The following PRKACG variants were observed in gnomAD, a reference collection of about 807,000 sequenced individuals.
PRKACG encodes protein kinase cAMP-activated catalytic subunit gamma.
A neutral mutation model predicts 25.6 loss-of-function variants in PRKACG; 24 were observed. The observed-to-expected ratio is 0.94, with a 90% confidence interval of 0.68 to 1.32. PRKACG has a LOEUF of 1.32. PRKACG is among the 40% of genes most tolerant of loss of function. The pLI, the probability that PRKACG is intolerant of heterozygous loss-of-function variation, is 0.00. For missense variants in PRKACG, 481 were observed against 462.9 expected (o/e 1.04, Z -0.36); for synonymous variants, 202 against 195.9 (o/e 1.03, Z -0.26).
Position 69,012,839 on chromosome 9 carries a change from G to GCA in PRKACG, c.*197_*198insTG. On this transcript the variant is annotated 3_prime_UTR_variant, in exon 1 of 1. Coordinates refer to ENST00000377276, the MANE Select transcript of PRKACG (RefSeq NM_002732.4). Reference sequence around the variant, plus strand: ...CACAGAGGGACCAGGAAGGCATGGGGGGGGGTGAGGGAGCAGCTGGTGTTT... The same window carrying GCA: ...CACAGAGGGACCAGGAAGGCATGGGGCAGGGGGTGAGGGAGCAGCTGGTGTTT... 1 of 528,690 alleles carries GCA rather than the reference G, an allele frequency of 1.9e-6. No homozygotes were observed. The highest frequency in any genetic ancestry group is 2.2e-5 in the South Asian group (1 of 44,584). 32.7% of individuals were successfully genotyped at this position (528,690 alleles called of 1,614,324 possible).
rs763725940 is a variant in PRKACG, at chr9:69,013,809, AT to A, written c.283del (p.Ile95SerfsTer26). On this transcript the variant is annotated frameshift_variant, in exon 1 of 1. Coordinates refer to ENST00000377276, the MANE Select transcript of PRKACG (RefSeq NM_002732.4). LOFTEE classifies it high-confidence loss of function. The stretch of plus-strand genomic sequence containing the variant: ...GAACGGAAAGTCGATCGCCTGCAGG[AT>A]GCGCTTCTCGTTCAGTATGTGCTCG... ...QVEHILNEKRILQAIDFPFLV... is the reference protein window; with the variant it reads ...QVEHILNEKRXLQAIDFPFLV... The A allele has an allele frequency of 6.2e-7, 1 of 1,613,802 alleles. No individual in the cohort carries two copies. The highest frequency in any genetic ancestry group is 1.1e-5 in the South Asian group (1 of 91,068).
rs372714447 is a variant in PRKACG, at chr9:69,013,592, G to T, written c.501C>A (p.Asp167Glu). 14 of 1,613,198 alleles carry T rather than the reference G, an allele frequency of 8.7e-6. No individual in the cohort carries two copies. The highest frequency in any genetic ancestry group is 1.2e-5 in the Non-Finnish European group (14 of 1,179,600). ...YLHSLDLIHR[D>E]LKPENLLIDQ... The stretch of plus-strand genomic sequence containing the variant: ...CGATGAGGAGATTCTCGGGCTTCAG[G>T]TCGCGGTGGATGAGGTCGAGCGAGT... Residue 167 changes from aspartate (D) to glutamate (E), a missense_variant, in exon 1 of 1, where the codon GAC (aspartate) becomes GAA (glutamate). Asp to Glu is a conservative substitution (Grantham distance 45). Transcript: ENST00000377276.
rs374148103 is a variant in PRKACG, at chr9:69,013,796, G to A, written c.297C>T (p.Ile99=). The A allele has an allele frequency of 1.8e-3, 2,872 of 1,613,856 alleles. 56 individuals carry two copies. In the South Asian group the frequency reaches 0.03, roughly 17 times the overall value. ...ILNEKRILQA[I]DFPFLVKLQF... is the part of the protein sequence containing the mutation. ...GGAGCTTGACGAGGAACGGAAAGTC[G>A]ATCGCCTGCAGGATGCGCTTCTCGT... The change falls in exon 1 of 1, where the codon ATC becomes ATT. Residue 99 remains isoleucine, a synonymous_variant. Coordinates refer to ENST00000377276, the MANE Select transcript of PRKACG (RefSeq NM_002732.4).
At position 69,013,680 on chromosome 9, in the gene PRKACG, C is replaced by G; in HGVS notation, c.413G>C (p.Arg138Thr). The G allele has an allele frequency of 2.5e-6, 4 of 1,614,110 alleles. No homozygotes were observed. Among genetic ancestry groups the G allele is most frequent in the Non-Finnish European group, 3.4e-6 (4 of 1,180,036 alleles). Residue 138 changes from arginine (R) to threonine (T), a missense_variant, in exon 1 of 1, where the codon AGG becomes ACG. Coordinates refer to ENST00000377276, the MANE Select transcript of PRKACG (RefSeq NM_002732.4). ...EMFSRLQRVG[R>T]FSEPHACFYA... is the part of the protein sequence containing the mutation. Reference sequence around the variant, plus strand: ...GAAACAGGCATGGGGCTCGCTAAACCTTCCGACGCGCTGTAGGCGGGAGAA... The same window carrying G: ...GAAACAGGCATGGGGCTCGCTAAACGTTCCGACGCGCTGTAGGCGGGAGAA...
chr9:69,013,393 C>G lies in PRKACG; in HGVS notation c.700G>C (p.Val234Leu), dbSNP rs766883623. The G allele has an allele frequency of 5.0e-6, 8 of 1,613,632 alleles. No homozygotes were observed. The highest frequency in any genetic ancestry group is 6.8e-6 in the Non-Finnish European group (8 of 1,180,008). ...ALGVLIYEMA[V>L]GFPPFYADQP... ...TCGGCGTAGAAGGGTGGGAAGCCCA[C>G]GGCCATCTCATAGATGAGCACCCCT... The change falls in exon 1 of 1, where the codon GTG becomes CTG. Residue 234 changes from valine to leucine, a missense_variant. Coordinates refer to ENST00000377276, the MANE Select transcript of PRKACG (RefSeq NM_002732.4).
rs34866806 is a variant in PRKACG at position 69,012,838 on chromosome 9, G to GGT, written c.*198_*199insAC. 1 of 589,024 alleles carries GGT rather than the reference G, an allele frequency of 1.7e-6. No homozygotes were observed. Among genetic ancestry groups the GGT allele is most frequent in the Non-Finnish European group, 3.0e-6 (1 of 335,176 alleles). The allele number at this position is 589,024 out of a possible 1,614,324, so 36.5% of individuals were successfully genotyped here. The stretch of plus-strand genomic sequence containing the variant: ...GCACAGAGGGACCAGGAAGGCATGG[G>GGT]GGGGGGTGAGGGAGCAGCTGGTGTT... On this transcript the variant is annotated 3_prime_UTR_variant, in exon 1 of 1. Coordinates refer to ENST00000377276, the MANE Select transcript of PRKACG (RefSeq NM_002732.4).
rs746335645 is a variant in PRKACG, at chr9:69,013,723, C to A, written c.370G>T (p.Val124Leu). 6.2e-7 allele frequency: 1 copy of A among 1,614,044 alleles called. No homozygotes were observed. The highest frequency in any genetic ancestry group is 1.7e-5 in the Admixed American group (1 of 60,010). Reference protein sequence around the residue: ...NSYLYLVMEYVPGGEMFSRLQ... With the variant: ...NSYLYLVMEYLPGGEMFSRLQ... Reference sequence around the variant, plus strand: ...CGGGAGAACATCTCCCCACCCGGCACGTACTCCATCACCAGGTACAGGTAG... The same window carrying A: ...CGGGAGAACATCTCCCCACCCGGCAAGTACTCCATCACCAGGTACAGGTAG... Residue 124 changes from valine to leucine, a missense_variant, in exon 1 of 1, where the codon GTG becomes TTG. Val to Leu is a conservative substitution (Grantham distance 32). Coordinates refer to ENST00000377276, the MANE Select transcript of PRKACG (RefSeq NM_002732.4).
At position 69,013,362 on chromosome 9, in the gene PRKACG, G is replaced by C; in HGVS notation, c.731C>G (p.Pro244Arg). ...GACGATCTTCTCGTAGATCTGGATG[G>C]GCTGGTCGGCGTAGAAGGGTGGGAA... ...VGFPPFYADQ[P>R]IQIYEKIVSG... Residue 244 changes from proline (P) to arginine (R), a missense_variant, in exon 1 of 1, where the codon CCC becomes CGC. Coordinates refer to ENST00000377276, the MANE Select transcript of PRKACG (RefSeq NM_002732.4). 1.2e-6 allele frequency: 2 copies of C among 1,613,934 alleles called. No homozygotes were observed. Among genetic ancestry groups the C allele is most frequent in the South Asian group, 1.1e-5 (1 of 91,074 alleles).
Position 69,013,763 on chromosome 9 carries a change from G to A in PRKACG, c.330C>T (p.Ser110=), listed in dbSNP as rs773953201. The change falls in exon 1 of 1, where the codon TCC becomes TCT. Residue 110 remains serine, a synonymous_variant. Transcript: ENST00000377276. The part of the protein sequence containing the change: ...DFPFLVKLQF[S]FKDNSYLYLV... ...GGTACAGGTAGGAGTTGTCCTTAAA[G>A]GAGAACTGGAGCTTGACGAGGAACG... The A allele has an allele frequency of 1.2e-6, 2 of 1,614,006 alleles. No homozygotes were observed. The highest frequency in any genetic ancestry group is 1.6e-4 in the Middle Eastern group (1 of 6,062).
In PRKACG at chr9:69,013,637, G is replaced by C; in HGVS notation, c.456C>G (p.Val152=). The C allele has an allele frequency of 6.2e-7, 1 of 1,613,894 alleles. No homozygotes were observed. Among genetic ancestry groups the C allele is most frequent in the Non-Finnish European group, 8.5e-7 (1 of 1,179,946 alleles). The change falls in exon 1 of 1, where the codon GTC becomes GTG. Residue 152 remains valine (V), a synonymous_variant. Transcript: ENST00000377276. The stretch of plus-strand genomic sequence containing the variant: ...GCGAGTGTAGGTACTGGACGGCCAG[G>C]ACGACCTGGGCGGCATAGAAACAGG... ...PHACFYAAQV[V]LAVQYLHSLD...
rs1290516813 is a variant in PRKACG, at chr9:69,012,519, AT to A, written c.*517del. The A allele has an allele frequency of 1.3e-5, 2 of 154,136 alleles. No homozygotes were observed. Among genetic ancestry groups the A allele is most frequent in the African/African-American group, 4.8e-5 (2 of 41,418 alleles). The allele number at this position is 154,136 out of a possible 1,614,324, so 9.5% of individuals were successfully genotyped here. On this transcript the variant is annotated 3_prime_UTR_variant, in exon 1 of 1. Transcript: ENST00000377276. Reference sequence around the variant, plus strand: ...GGGACACTGGTGGAACTTAAATAAGATTTTAATTGTTTTTTGTTTTAATTTT... The same window carrying A: ...GGGACACTGGTGGAACTTAAATAAGATTTAATTGTTTTTTGTTTTAATTTT...
In PRKACG at chr9:69,013,912, C is replaced by A; in HGVS notation, c.181G>T (p.Val61Leu). The A allele has an allele frequency of 6.2e-7, 1 of 1,613,952 alleles. No individual in the cohort carries two copies. Among genetic ancestry groups the A allele is most frequent in the Non-Finnish European group, 8.5e-7 (1 of 1,179,996 alleles). ...GMGSFGRVML[V>L]RHQETGGHYA... ...TGGCCGCCGGTCTCCTGGTGCCTCA[C>A]CAGCATCACCCGCCCGAAGGAGCCC... Residue 61 changes from valine to leucine, a missense_variant, in exon 1 of 1, where the codon GTG (valine) becomes TTG (leucine). Physicochemically the swap from Val to Leu is conservative, Grantham distance 32. Coordinates refer to ENST00000377276, the MANE Select transcript of PRKACG (RefSeq NM_002732.4).
In PRKACG at chr9:69,013,030, C is replaced by T. The variant is rs367806203; in HGVS notation, c.*7G>A. The T allele has an allele frequency of 1.9e-6, 3 of 1,609,136 alleles. No homozygotes were observed. In the South Asian group the frequency reaches 3.3e-5, roughly 18 times the overall value. On this transcript the variant is annotated 3_prime_UTR_variant, in exon 1 of 1. Transcript: ENST00000377276. Reference sequence around the variant, plus strand: ...GAAAGAAAACCCACAGGGGCACAAGCACACCCCTAAAACTCAGAAAACTCC... The same window carrying T: ...GAAAGAAAACCCACAGGGGCACAAGTACACCCCTAAAACTCAGAAAACTCC...
At position 69,013,469 on chromosome 9, in the gene PRKACG, G is replaced by A. The variant is rs1564319382; in HGVS notation, c.624C>T (p.Pro208=). The change falls in exon 1 of 1, where the codon CCC becomes CCT. Residue 208 remains proline, a synonymous_variant. Coordinates refer to ENST00000377276, the MANE Select transcript of PRKACG (RefSeq NM_002732.4). ...TGTAGCCTTTGCTCAGGATGATCTCGGGGGCCAGGTACTCTGGGGTCCCGC... is the reference window on the plus strand; with the variant it reads ...TGTAGCCTTTGCTCAGGATGATCTCAGGGGCCAGGTACTCTGGGGTCCCGC... ...TLCGTPEYLA[P]EIILSKGYNK... The A allele has an allele frequency of 6.2e-7, 1 of 1,613,950 alleles. No homozygotes were observed. The highest frequency in any genetic ancestry group is 8.5e-7 in the Non-Finnish European group (1 of 1,180,026).
Position 69,013,277 on chromosome 9 carries a change from G to A in PRKACG, c.816C>T (p.Ser272=). Residue 272 remains serine (S), a synonymous_variant, in exon 1 of 1, where the codon AGC becomes AGT. Coordinates refer to ENST00000377276, the MANE Select transcript of PRKACG (RefSeq NM_002732.4). ...LSSDLKHLLR[S]LLQVDLTKRF... is the part of the protein sequence containing the mutation. ...GCTTGGTGAGGTCCACCTGCAGCAGGCTCCGCAGCAGATGCTTGAGGTCAG... is the reference window on the plus strand; with the variant it reads ...GCTTGGTGAGGTCCACCTGCAGCAGACTCCGCAGCAGATGCTTGAGGTCAG... The A allele has an allele frequency of 6.2e-7, 1 of 1,614,140 alleles. No homozygotes were observed. The highest frequency in any genetic ancestry group is 8.5e-7 in the Non-Finnish European group (1 of 1,180,024).
rs373257940 is a variant in PRKACG, at chr9:69,013,519, C to A, written c.574G>T (p.Val192Leu). ...QVTDFGFAKR[V>L]KGRTWTLCGT... The stretch of plus-strand genomic sequence containing the variant: ...CACAAGGTCCAAGTGCGGCCCTTCA[C>A]GCGCTTGGCGAAACCGAAGTCCGTC... The change falls in exon 1 of 1, where the codon GTG (valine) becomes TTG (leucine). Residue 192 changes from valine to leucine, a missense_variant. Transcript: ENST00000377276. The A allele has an allele frequency of 6.2e-7, 1 of 1,614,026 alleles. No individual in the cohort carries two copies. The highest frequency in any genetic ancestry group is 8.5e-7 in the Non-Finnish European group (1 of 1,180,004).
At position 69,013,977 on chromosome 9, in the gene PRKACG, G is replaced by A. The variant is rs1481549608; in HGVS notation, c.116C>T (p.Ala39Val). ...GAGCCGTTCGAACTGATCCGAGCTG[G>A]CGGTGTTTTGAGCGGGGTTTCCCCA... Reference protein sequence around the residue: ...YRWGNPAQNTASSDQFERLRT... With the variant: ...YRWGNPAQNTVSSDQFERLRT... Residue 39 changes from alanine to valine, a missense_variant, in exon 1 of 1, where the codon GCC (alanine) becomes GTC (valine). Ala to Val is a moderately conservative substitution (Grantham distance 64). Coordinates refer to ENST00000377276, the MANE Select transcript of PRKACG (RefSeq NM_002732.4). The A allele has an allele frequency of 6.2e-7, 1 of 1,613,624 alleles. No homozygotes were observed. The highest frequency in any genetic ancestry group is 8.5e-7 in the Non-Finnish European group (1 of 1,180,000).
In PRKACG at chr9:69,013,185, C is replaced by T; in HGVS notation, c.908G>A (p.Trp303Ter). The change falls in exon 1 of 1, where the codon TGG becomes TAG. Residue 303 changes from tryptophan (W) to a stop codon, truncating the protein, a stop_gained. Transcript: ENST00000377276. LOFTEE classifies it high-confidence loss of function. ...KNHKWFATTS[W>*]IAIYEKKVEA... The stretch of plus-strand genomic sequence containing the variant: ...CACCTTCTTCTCATAGATGGCGATC[C>T]AGCTGGTTGTGGCGAACCACTTGTG... 1 of 1,614,110 alleles carries T rather than the reference C, an allele frequency of 6.2e-7. No individual in the cohort carries two copies. The highest frequency in any genetic ancestry group is 8.5e-7 in the Non-Finnish European group (1 of 1,180,012).
chr9:69,013,524 T>C lies in PRKACG; in HGVS notation c.569A>G (p.Lys190Arg). Residue 190 changes from lysine (K) to arginine (R), a missense_variant, in exon 1 of 1, where the codon AAG becomes AGG. By Grantham distance (26) the Lys-to-Arg change is conservative. Transcript: ENST00000377276. ...YLQVTDFGFAKRVKGRTWTLC... is the reference protein window; with the variant it reads ...YLQVTDFGFARRVKGRTWTLC... ...GGTCCAAGTGCGGCCCTTCACGCGC[T>C]TGGCGAAACCGAAGTCCGTCACCTG... 6.2e-7 allele frequency: 1 copy of C among 1,613,990 alleles called. No individual in the cohort carries two copies. The highest frequency in any genetic ancestry group is 8.5e-7 in the Non-Finnish European group (1 of 1,179,980).
Sources: allele counts gnomAD v4.1 joint callset, GRCh38; gene constraint gnomAD v4.1.1; transcripts MANE v1.5; gene names NCBI Gene and HGNC (gene_info 2026-07-23, HGNC 2026-07-21).